Variants in MUC17 observed in about 807,000 individuals in gnomAD.
The protein encoded by MUC17 is mucin-17.
A neutral mutation model predicts 170.3 loss-of-function variants in MUC17; 190 were observed. The ratio of observed to expected loss-of-function variants is 1.12; its 90% CI spans 0.99 to 1.26. The LOEUF is 1.26. Among genes scored for constraint, MUC17 ranks in the 50% most tolerant of loss-of-function variants. The pLI is 0.00. For synonymous variants in MUC17, 2,325 were observed against 2,002.5 expected, an observed-to-expected ratio of 1.16 and a Z score of -4.30; for missense variants, 6,415 against 5,530.0, an observed-to-expected ratio of 1.16 and a Z score of -5.08.
chr7:101,046,143 T>C (rs1309618896), intron 3 of MUC17, among the ~76,000 whole-genome samples: 1 of 152,164 alleles, frequency 6.6e-6, no homozygotes, highest in Non-Finnish European at 1.5e-5. Context: ...ACTTCTCTCT[T>C]CTATTCTTTC....
Position 101,041,820 on chromosome 7 carries a change from G to A in MUC17, c.10404G>A (p.Thr3468=), listed in dbSNP as rs138000542. The change falls in exon 3 of 13, where the codon ACG becomes ACA. Residue 3468 remains threonine, a synonymous_variant. Coordinates refer to ENST00000306151, the MANE Select transcript of MUC17 (RefSeq NM_001040105.2). ...TPLSIMPLST[T]PVASSEASTL... ...TATCAATTATGCCTCTCAGTACCAC[G>A]CCGGTGGCCAGTTCTGAGGCTAGCA... 3.4e-4 allele frequency: 541 copies of A among 1,612,282 alleles called. 7 individuals carry two copies. The African/African-American group carries it at 5.9e-3, about 18-fold the overall frequency.
chr7:101,031,097 T>C (rs1794270426), intron 1 of MUC17, 23 bp from the exon 2 acceptor site: 2 of 1,596,818 alleles, frequency 1.3e-6, no homozygotes, highest in African/African-American at 1.3e-5. Flanking sequence ...TCTGGGATAC[T>C]AACTCCCCTT....
chr7:101,028,969 C>T (rs1794229726), intron 1 of MUC17, among the ~76,000 whole-genome samples: 1 of 152,038 alleles, frequency 6.6e-6, no homozygotes, highest in Non-Finnish European at 1.5e-5. Context: ...CAGCAGATCA[C>T]CTGAGGTCGG....
Position 101,032,095 on chromosome 7 carries a change from A to C in MUC17, c.679A>C (p.Lys227Gln), listed in dbSNP as rs10229731. 215,852 of 1,608,980 alleles carry C rather than the reference A, an allele frequency of 0.13. 17,572 individuals carry two copies. Among genetic ancestry groups the C allele is most frequent in the African/African-American group, 0.32 (23,548 of 73,814 alleles). ...AACAAGTATGCCTGCCAGCACCATG[A>C]AGGTGGCCAGTTCAGAGGCTATCAC... ...PLTSMPASTM[K>Q]VASSEAITLL... Residue 227 changes from lysine (K) to glutamine (Q), a missense_variant, in exon 3 of 13, where the codon AAG (lysine) becomes CAG (glutamine). Physicochemically the swap from Lys to Gln is moderately conservative, Grantham distance 53 (BLOSUM62 1). Transcript: ENST00000306151.
chr7:101,036,376 A>G lies in MUC17; in HGVS notation c.4960A>G (p.Thr1654Ala), dbSNP rs1202711313. Residue 1654 changes from threonine (T) to alanine (A), a missense_variant, in exon 3 of 13, where the codon ACT becomes GCT. Transcript: ENST00000306151. ...ASPEASTLSTTPVDSNSPVIT... is the reference protein window; with the variant it reads ...ASPEASTLSTAPVDSNSPVIT... Reference sequence around the variant, plus strand: ...TCCTGAGGCTAGCACCCTTTCAACAACTCCTGTTGACTCCAACAGTCCTGT... The same window carrying G: ...TCCTGAGGCTAGCACCCTTTCAACAGCTCCTGTTGACTCCAACAGTCCTGT... 3 of 1,611,000 alleles carry G rather than the reference A, an allele frequency of 1.9e-6. No homozygotes were observed. Among genetic ancestry groups the G allele is most frequent in the Non-Finnish European group, 2.5e-6 (3 of 1,179,132 alleles).
intron 3 of MUC17, 39 bp from the exon 4 acceptor site, chr7:101,047,945 G>A (rs942823549): frequency 6.5e-6 from 10 of 1,537,908 alleles, no homozygotes; most frequent in Non-Finnish European, 7.9e-6. Flanking sequence ...TGCCTCAATG[G>A]AGGAACTTGG....
At chr7:101,049,216 C>T in intron 5 of MUC17, 108 bp from the exon 6 acceptor site, 1 of 1,509,204 alleles carries the variant, frequency 6.6e-7, no homozygotes, top group Non-Finnish European at 9.2e-7. Context: ...GATGAGTGTG[C>T]TATGATGCTG....
Position 101,048,965 on chromosome 7 carries a change from C to T in MUC17, c.12656C>T (p.Thr4219Met), listed in dbSNP as rs764703023. 1.2e-5 allele frequency: 19 copies of T among 1,614,134 alleles called. No individual in the cohort carries two copies. The highest frequency in any genetic ancestry group is 8.9e-5 in the East Asian group (4 of 44,876). Residue 4219 changes from threonine (T) to methionine (M), a missense_variant, in exon 5 of 13, where the codon ACG becomes ATG. Physicochemically the swap from Thr to Met is moderately conservative, Grantham distance 81 (BLOSUM62 -1). Transcript: ENST00000306151. ...TTCCAGGAGTTCAAACAGACATTCACGGAACAGGTAAGTCTGGGAGAGCAA... is the reference window on the plus strand; with the variant it reads ...TTCCAGGAGTTCAAACAGACATTCATGGAACAGGTAAGTCTGGGAGAGCAA... ...QEFQEFKQTF[T>M]EQMNIVYSGI... is the part of the protein sequence containing the mutation.
Position 101,037,138 on chromosome 7 carries a change from C to T in MUC17, c.5722C>T (p.Pro1908Ser), listed in dbSNP as rs1794512550. The T allele has an allele frequency of 1.9e-6, 3 of 1,612,328 alleles. No homozygotes were observed. Among genetic ancestry groups the T allele is most frequent in the Admixed American group, 1.7e-5 (1 of 59,864 alleles). Residue 1908 changes from proline (P) to serine (S), a missense_variant, in exon 3 of 13, where the codon CCT (proline) becomes TCT (serine). By Grantham distance (74) the Pro-to-Ser change is moderately conservative. Transcript: ENST00000306151. ...CACTTATGCTCAAGTCAGTTCATCT[C>T]CTACAACTGCTGACGGTAGCAGCAT... is the stretch of plus-strand genomic sequence containing the variant. ...VTTYAQVSSS[P>S]TTADGSSMPT...
In MUC17 at chr7:101,036,809, T is replaced by C; in HGVS notation, c.5393T>C (p.Ile1798Thr). Residue 1798 changes from isoleucine to threonine, a missense_variant, in exon 3 of 13, where the codon ATA becomes ACA. Coordinates refer to ENST00000306151, the MANE Select transcript of MUC17 (RefSeq NM_001040105.2). Reference sequence around the variant, plus strand: ...CCTACAACTGCTGAAGGTACCAGCATACCAACCTCGACTCTTAGTGAAGGA... The same window carrying C: ...CCTACAACTGCTGAAGGTACCAGCACACCAACCTCGACTCTTAGTGAAGGA... Reference protein sequence around the residue: ...SSPTTAEGTSIPTSTLSEGMT... With the variant: ...SSPTTAEGTSTPTSTLSEGMT... The C allele has an allele frequency of 1.2e-6, 2 of 1,605,608 alleles. No homozygotes were observed.
Position 101,038,444 on chromosome 7 carries a change from T to C in MUC17, c.7028T>C (p.Met2343Thr), listed in dbSNP as rs1794566630. The change falls in exon 3 of 13, where the codon ATG becomes ACG. Residue 2343 changes from methionine to threonine, a missense_variant. Physicochemically the swap from Met to Thr is moderately conservative, Grantham distance 81. Transcript: ENST00000306151. ...GAAGGAAACACTCCATTAACACGTA[T>C]GCCTGTCAGCACCACAATGGTGGCC... ...SSEGNTPLTR[M>T]PVSTTMVASF... The C allele has an allele frequency of 6.2e-7, 1 of 1,604,660 alleles. No homozygotes were observed. Among genetic ancestry groups the C allele is most frequent in the Non-Finnish European group, 8.5e-7 (1 of 1,174,428 alleles).
At chr7:101,028,110 G>C (rs1183299383) in intron 1 of MUC17, among the ~76,000 whole-genome samples, 1 of 81,990 alleles carries the variant, frequency 1.2e-5, no homozygotes, top group African/African-American at 4.7e-5. Flanking sequence ...TTTTTTTTTT[G>C]AGATGGAGTC....
Position 101,035,664 on chromosome 7 carries a change from T to A in MUC17, c.4248T>A (p.Leu1416=), listed in dbSNP as rs1461014008. The change falls in exon 3 of 13, where the codon CTT becomes CTA. Residue 1416 remains leucine, a synonymous_variant. Transcript: ENST00000306151. ...TPVVSSEAST[L]SATPVDTSTP... Reference sequence around the variant, plus strand: ...TAGTCAGTTCTGAGGCTAGCACCCTTTCAGCAACTCCTGTTGACACCAGCA... The same window carrying A: ...TAGTCAGTTCTGAGGCTAGCACCCTATCAGCAACTCCTGTTGACACCAGCA... The A allele has an allele frequency of 6.2e-7, 1 of 1,609,172 alleles. No individual in the cohort carries two copies.
intron 1 of MUC17, 150 bp downstream of exon 1, chr7:101,020,367 A>G: frequency 1.9e-6 from 1 of 519,288 alleles, no homozygotes; most frequent in East Asian, 3.5e-5. Flanking sequence ...TACCCCCTGG[A>G]CTTCTCTTCT....
chr7:101,038,351 C>A lies in MUC17; in HGVS notation c.6935C>A (p.Thr2312Asn), dbSNP rs756269097. The change falls in exon 3 of 13, where the codon ACT becomes AAT. Residue 2312 changes from threonine (T) to asparagine (N), a missense_variant. Thr to Asn is a moderately conservative substitution (Grantham distance 65). Transcript: ENST00000306151. Reference sequence around the variant, plus strand: ...GTTGACTCCAACACTCCTTTCACTACTTCTACTGAAGCCAGTTCACCTCCT... The same window carrying A: ...GTTGACTCCAACACTCCTTTCACTAATTCTACTGAAGCCAGTTCACCTCCT... ...TPVDSNTPFTTSTEASSPPPT... is the reference protein window; with the variant it reads ...TPVDSNTPFTNSTEASSPPPT... The A allele has an allele frequency of 4.5e-5, 72 of 1,613,472 alleles. 2 individuals carry two copies. In the East Asian group the frequency reaches 1.6e-3, roughly 35 times the overall value.
At position 101,058,023 on chromosome 7, in the gene MUC17, G is replaced by A; in HGVS notation, c.13461G>A (p.Gln4487=). 1 of 1,613,994 alleles carries A rather than the reference G, an allele frequency of 6.2e-7. No individual in the cohort carries two copies. The highest frequency in any genetic ancestry group is 8.5e-7 in the Non-Finnish European group (1 of 1,179,904). ...TTCAGATCCGAATTCAGAGGCCTCAGGTAATGACGACATCATTTTAAGGCA... is the reference window on the plus strand; with the variant it reads ...TTCAGATCCGAATTCAGAGGCCTCAAGTAATGACGACATCATTTTAAGGCA... The part of the protein sequence containing the change: ...PETKIRIQRP[Q]VMTTSF Residue 4487 remains glutamine, a synonymous_variant, in exon 13 of 13, where the codon CAG becomes CAA. Coordinates refer to ENST00000306151, the MANE Select transcript of MUC17 (RefSeq NM_001040105.2).
Position 101,038,975 on chromosome 7 carries a change from T to C in MUC17, c.7559T>C (p.Ile2520Thr). The change falls in exon 3 of 13, where the codon ATA (isoleucine) becomes ACA (threonine). Residue 2520 changes from isoleucine to threonine, a missense_variant. Ile to Thr is a moderately conservative substitution (Grantham distance 89, BLOSUM62 -1). Transcript: ENST00000306151. ...GAAGGAAGTACTCTATTAACAAGTATACCTGTCAGCACCACGCCAGTGGCC... is the reference window on the plus strand; with the variant it reads ...GAAGGAAGTACTCTATTAACAAGTACACCTGTCAGCACCACGCCAGTGGCC... ...ASEGSTLLTS[I>T]PVSTTPVASP... is the part of the protein sequence containing the mutation. 1 of 1,614,090 alleles carries C rather than the reference T, an allele frequency of 6.2e-7. No homozygotes were observed. The highest frequency in any genetic ancestry group is 8.5e-7 in the Non-Finnish European group (1 of 1,180,014).
At chr7:101,053,860 A>T (rs1369817387) in intron 11 of MUC17, among the ~76,000 whole-genome samples, 1 of 151,286 alleles carries the variant, frequency 6.6e-6, no homozygotes, top group East Asian at 1.9e-4. Flanking sequence ...AGCCTGGGCA[A>T]CAAGCACGAA....
chr7:101,029,382 C>T (rs913344518), intron 1 of MUC17, among the ~76,000 whole-genome samples: 4 of 151,776 alleles, frequency 2.6e-5, no homozygotes, highest in Non-Finnish European at 5.9e-5. Flanking sequence ...TACATGTATA[C>T]ATACATACAC....
Sources: allele counts gnomAD v4.1 joint callset (sites outside exome capture counted in the v4.1 genomes callset), GRCh38; gene constraint gnomAD v4.1.1; transcripts MANE v1.5; gene names NCBI Gene and HGNC (gene_info 2026-07-23, HGNC 2026-07-21).